Variants in LHFPL3 observed in about 807,000 individuals in gnomAD.
LHFPL3 encodes the protein LHFPL tetraspan subfamily member 3.
Under a neutral mutation model 19.3 loss-of-function variants are expected in LHFPL3, and 5 were observed. The observed-to-expected ratio is 0.26, with a 90% CI of 0.14 to 0.54. LHFPL3 has a LOEUF of 0.54. Among genes scored for constraint, LHFPL3 ranks in the 20% least tolerant of loss-of-function variants. The probability of loss-of-function intolerance (pLI) is 0.94; values close to 1 mark genes in which losing one functional copy is unlikely to be tolerated. For missense variants in LHFPL3, 249 were observed against 307.4 expected (o/e 0.81, Z 1.42); for synonymous variants, 133 against 126.2 (o/e 1.05, Z -0.36).
intron 1 of LHFPL3, among the ~76,000 whole-genome samples, chr7:104,502,650 T>C (rs548970722): frequency 2.6e-5 from 4 of 152,102 alleles, no homozygotes; most frequent in Admixed American, 2.6e-4. Flanking sequence ...CACCTCCCAA[T>C]GTATTTGTGC....
intron 1 of LHFPL3, among the ~76,000 whole-genome samples, chr7:104,535,553 C>T (rs1335299557): frequency 6.6e-6 from 1 of 152,196 alleles, no homozygotes; most frequent in Non-Finnish European, 1.5e-5. Context: ...CCCCCTCAAG[C>T]ATCCTGTTCT....
At chr7:104,503,543 G>A (rs896116505) in intron 1 of LHFPL3, among the ~76,000 whole-genome samples, 2 of 151,992 alleles carry the variant, frequency 1.3e-5, no homozygotes, top group African/African-American at 4.8e-5. Flanking sequence ...TCATTTCCAT[G>A]TTTAAGAGTT....
chr7:104,343,728 CGTGT>C (rs10687589), intron 1 of LHFPL3, among the ~76,000 whole-genome samples: 6 of 148,854 alleles, frequency 4.0e-5, no homozygotes, highest in Middle Eastern at 3.4e-3. Flanking sequence ...GTATGGCTTG[CGTGT>C]GTGTGTGTGT....
At chr7:104,899,709 A>C (rs1029744720) in intron 2 of LHFPL3, among the ~76,000 whole-genome samples, 1 of 152,218 alleles carries the variant, frequency 6.6e-6, no homozygotes, top group Admixed American at 6.5e-5. Context: ...AAGTAGGGAC[A>C]GAACATTAAG....
intron 1 of LHFPL3, among the ~76,000 whole-genome samples, chr7:104,536,660 C>T (rs754751679): frequency 1.3e-5 from 2 of 152,182 alleles, no homozygotes; most frequent in African/African-American, 2.4e-5. Flanking sequence ...AGTGTTTCCC[C>T]TCGGGTGTCA....
At chr7:104,513,384 T>C (rs1048869354) in intron 1 of LHFPL3, among the ~76,000 whole-genome samples, 9 of 152,206 alleles carry the variant, frequency 5.9e-5, no homozygotes, top group Non-Finnish European at 8.8e-5. Context: ...ACTCCCAGCA[T>C]GGAAGGTGAC....
rs563823184 is a variant in LHFPL3 at position 104,737,007 on chromosome 7, G to A, written c.682+96G>A. 3.8e-4 allele frequency: 348 copies of A among 925,346 alleles called. No homozygotes were observed. In the African/African-American group the frequency reaches 5.4e-3, roughly 14 times the overall value. 57.3% of individuals were successfully genotyped at this position (925,346 alleles called of 1,614,324 possible). A position where few individuals can be genotyped will look rare whatever the true frequency, so the allele number is the denominator to read the frequency against. On this transcript the variant is annotated intron_variant, in intron 2 of 2. Transcript: ENST00000424859. Reference sequence around the variant, plus strand: ...CCTCAAATACTAGTGCTTCCCCTGAGGTTCTAATTTGCTGCCTCTTTTAAT... The same window carrying A: ...CCTCAAATACTAGTGCTTCCCCTGAAGTTCTAATTTGCTGCCTCTTTTAAT...
At chr7:104,442,043 C>G (rs1435985400) in intron 1 of LHFPL3, among the ~76,000 whole-genome samples, 1 of 151,992 alleles carries the variant, frequency 6.6e-6, no homozygotes, top group Non-Finnish European at 1.5e-5. Context: ...TCTCTACATC[C>G]TCACCAACAC....
At chr7:104,721,534 ATAATT>A (rs1325386524) in intron 1 of LHFPL3, among the ~76,000 whole-genome samples, 1 of 145,828 alleles carries the variant, frequency 6.9e-6, no homozygotes, top group Non-Finnish European at 1.5e-5. Context: ...AACTTAAAGT[ATAATT>A]AAAAAAAAAA....
At chr7:104,590,252 T>C (rs999584566) in intron 1 of LHFPL3, among the ~76,000 whole-genome samples, 2 of 152,192 alleles carry the variant, frequency 1.3e-5, no homozygotes, top group Non-Finnish European at 2.9e-5. Context: ...GGACATTTAG[T>C]GCTATACGTT....
intron 1 of LHFPL3, among the ~76,000 whole-genome samples, chr7:104,565,760 T>TATCTATCTA (rs1790109688): frequency 6.9e-6 from 1 of 145,090 alleles, no homozygotes; most frequent in Non-Finnish European, 1.5e-5. Flanking sequence ...TCTATCTATC[T>TATCTATCTA]ATCTATCTAT....
chr7:104,447,181 C>G (rs572096114), intron 1 of LHFPL3, among the ~76,000 whole-genome samples: 2 of 152,036 alleles, frequency 1.3e-5, no homozygotes, highest in Non-Finnish European at 2.9e-5. Flanking sequence ...TATAAAATTG[C>G]TTTCAGCTTG....
chr7:104,668,814 C>T, intron 1 of LHFPL3: 1 of 1,605,758 alleles, frequency 6.2e-7, no homozygotes, highest in Non-Finnish European at 8.5e-7. Flanking sequence ...ACTCGAGCTG[C>T]TTCTATCTTT....
intron 1 of LHFPL3, among the ~76,000 whole-genome samples, chr7:104,410,190 T>A (rs553742694): frequency 6.6e-6 from 1 of 152,316 alleles, no homozygotes; most frequent in African/African-American, 2.4e-5. Flanking sequence ...TGGAGTGCAA[T>A]GGTGCAATCT....
intron 1 of LHFPL3, among the ~76,000 whole-genome samples, chr7:104,715,716 C>G (rs1793372829): frequency 6.6e-6 from 1 of 152,144 alleles, no homozygotes; most frequent in South Asian, 2.1e-4. Context: ...GTATGTTGAG[C>G]CTTCTTTGTA....
At chr7:104,790,475 TG>T (rs906063887) in intron 2 of LHFPL3, among the ~76,000 whole-genome samples, 26 of 152,270 alleles carry the variant, frequency 1.7e-4, no homozygotes, top group African/African-American at 5.5e-4. Flanking sequence ...CACTTTTTTT[TG>T]GTACCATCCA....
chr7:104,547,002 C>T (rs1449794141), intron 1 of LHFPL3, among the ~76,000 whole-genome samples: 1 of 25,570 alleles, frequency 3.9e-5, no homozygotes, highest in African/African-American at 1.1e-4. Flanking sequence ...TTTGGGAGGC[C>T]GAGGCGGGTG....
chr7:104,521,723 G>A (rs1408633868), intron 1 of LHFPL3, among the ~76,000 whole-genome samples: 19 of 152,116 alleles, frequency 1.2e-4, no homozygotes, highest in Non-Finnish European at 2.2e-4. Context: ...AAAAGTGGTC[G>A]AAGGACATGA....
chr7:104,891,120 T>C (rs975309515), intron 2 of LHFPL3, among the ~76,000 whole-genome samples: 1 of 151,636 alleles, frequency 6.6e-6, no homozygotes, highest in African/African-American at 2.4e-5. Flanking sequence ...GTTGCCAAAT[T>C]AAGGGTCTGT....
Sources: allele counts gnomAD v4.1 joint callset (sites outside exome capture counted in the v4.1 genomes callset), GRCh38; gene constraint gnomAD v4.1.1; transcripts MANE v1.5; gene names NCBI Gene and HGNC (gene_info 2026-07-23, HGNC 2026-07-21).